ZNF566: variants seen among roughly 807,000 people sequenced by gnomAD.
ZNF566 encodes the protein zinc finger protein 566.
Under a neutral mutation model 32.8 loss-of-function variants are expected in ZNF566, and 27 were observed. That is an observed-to-expected ratio of 0.82 (90% CI 0.61 to 1.14). The LOEUF (loss-of-function observed/expected upper bound fraction) is 1.14. Among genes scored for constraint, ZNF566 ranks in the 50% most tolerant of loss-of-function variants. The pLI is 0.00. For synonymous variants in ZNF566, 154 were observed against 159.5 expected (o/e 0.97, Z 0.26); for missense variants, 402 against 490.4 (o/e 0.82, Z 1.70).
chr19:36,468,323 C>T (rs943791237), intron 4 of ZNF566, among the ~76,000 whole-genome samples: 2 of 151,472 alleles, frequency 1.3e-5, no homozygotes, highest in Non-Finnish European at 2.9e-5. Flanking sequence ...TTAGGTAGCT[C>T]GGCTGGGTGA....
intron 1 of ZNF566, among the ~76,000 whole-genome samples, chr19:36,479,394 T>C (rs1454451871): frequency 1.3e-5 from 2 of 152,192 alleles, no homozygotes; most frequent in Admixed American, 6.5e-5. Context: ...CATGGTCTCA[T>C]ATAGAGACAA....
At chr19:36,488,937 A>G (rs2034240174) in intron 1 of ZNF566, among the ~76,000 whole-genome samples, 2 of 152,032 alleles carry the variant, frequency 1.3e-5, no homozygotes, top group African/African-American at 4.8e-5. Context: ...TCCACGCCCA[A>G]AGCAACAGGG....
intron 4 of ZNF566, among the ~76,000 whole-genome samples, chr19:36,453,062 G>A (rs1413149035): frequency 6.6e-6 from 1 of 150,804 alleles, no homozygotes; most frequent in East Asian, 1.9e-4. Flanking sequence ...AGGTTGCAGT[G>A]AGCTGAAATC....
intron 4 of ZNF566, among the ~76,000 whole-genome samples, chr19:36,469,030 T>G (rs889136098): frequency 2.0e-5 from 3 of 151,764 alleles, no homozygotes; most frequent in African/African-American, 7.3e-5. Context: ...GTATGAAATA[T>G]AGAAATGAAC....
chr19:36,463,129 C>A (rs901915627), intron 4 of ZNF566, among the ~76,000 whole-genome samples: 1 of 151,372 alleles, frequency 6.6e-6, no homozygotes, highest in Non-Finnish European at 1.5e-5. Flanking sequence ...CACAGGGAGA[C>A]CTGGTTTCTA....
chr19:36,464,010 G>A (rs2145666168), intron 4 of ZNF566, among the ~76,000 whole-genome samples: 1 of 152,136 alleles, frequency 6.6e-6, no homozygotes, highest in Middle Eastern at 3.4e-3. Flanking sequence ...ACAGGTATGA[G>A]CCACCACACC....
chr19:36,457,853 T>G (rs1260720639), intron 4 of ZNF566, among the ~76,000 whole-genome samples: 1 of 152,130 alleles, frequency 6.6e-6, no homozygotes. Flanking sequence ...ATTGCACCAC[T>G]GCACTCCAGC....
rs908142008 is a variant in ZNF566 at position 36,448,262 on chromosome 19, G to A, written c.*715C>T. 2 of 152,118 alleles carry A rather than the reference G, an allele frequency of 1.3e-5. No individual in the cohort carries two copies. The highest frequency in any genetic ancestry group is 4.8e-5 in the African/African-American group (2 of 41,432). The allele number at this position is 152,118 out of a possible 1,614,324, so 9.4% of individuals were successfully genotyped here. A position where few individuals can be genotyped will look rare whatever the true frequency, so the allele number is the denominator to read the frequency against. ...GATATGATACAAAGATGTGCTTAGGGAGAATGTCCAGCAGGGACTTGTATT... is the reference window on the plus strand; with the variant it reads ...GATATGATACAAAGATGTGCTTAGGAAGAATGTCCAGCAGGGACTTGTATT... On this transcript the variant is annotated 3_prime_UTR_variant, in exon 5 of 5. Coordinates refer to ENST00000452939, the MANE Select transcript of ZNF566 (RefSeq NM_001145344.1).
At position 36,449,277 on chromosome 19, in the gene ZNF566, G is replaced by A. The variant is rs781616335; in HGVS notation, c.957C>T (p.Ala319=). The part of the protein sequence containing the change: ...KPYECKECGN[A]FSQSSQLIKH... The stretch of plus-strand genomic sequence containing the variant: ...TAATAAGTTGTGAGCTCTGACTAAA[G>A]GCATTGCCACATTCCTTACATTCAT... Residue 319 remains alanine, a synonymous_variant, in exon 5 of 5, where the codon GCC becomes GCT. Transcript: ENST00000452939. 6.2e-7 allele frequency: 1 copy of A among 1,613,948 alleles called. No homozygotes were observed. Among genetic ancestry groups the A allele is most frequent in the Non-Finnish European group, 8.5e-7 (1 of 1,179,990 alleles).
rs756594054 is a variant in ZNF566 at position 36,476,624 on chromosome 19, AG to A, written c.-59-9del. 4.9e-5 allele frequency: 78 copies of A among 1,605,616 alleles called. No individual in the cohort carries two copies. Among genetic ancestry groups the A allele is most frequent in the Non-Finnish European group, 6.5e-5 (76 of 1,176,998 alleles). ...TTTTGGAGAAGGGTAGAGCTGGGAG[AG>A]GCAAAAGAAGATAGATAAGACCCCA... is the stretch of plus-strand genomic sequence containing the variant. On this transcript the variant is annotated splice_polypyrimidine_tract_variant and intron_variant, in intron 1 of 4. Coordinates refer to ENST00000452939, the MANE Select transcript of ZNF566 (RefSeq NM_001145344.1).
chr19:36,484,713 C>A (rs2145711180), intron 1 of ZNF566, among the ~76,000 whole-genome samples: 1 of 151,572 alleles, frequency 6.6e-6, no homozygotes, highest in Admixed American at 6.6e-5. Context: ...CCAGAGCCTC[C>A]CGAATAGCTG....
chr19:36,449,857 C>G lies in ZNF566; in HGVS notation c.377G>C (p.Arg126Pro), dbSNP rs781288355. The G allele has an allele frequency of 1.2e-6, 2 of 1,614,072 alleles. No homozygotes were observed. Among genetic ancestry groups the G allele is most frequent in the Admixed American group, 1.7e-5 (1 of 60,004 alleles). ...SSFRDDWECN[R>P]QFKKELGSQG... Reference sequence around the variant, plus strand: ...AGAGCCGAGTTCTTTCTTAAACTGCCGATTACATTCCCAATCATCTCTGAA... The same window carrying G: ...AGAGCCGAGTTCTTTCTTAAACTGCGGATTACATTCCCAATCATCTCTGAA... The change falls in exon 5 of 5, where the codon CGG becomes CCG. Residue 126 changes from arginine to proline, a missense_variant. Coordinates refer to ENST00000452939, the MANE Select transcript of ZNF566 (RefSeq NM_001145344.1).
intron 4 of ZNF566, among the ~76,000 whole-genome samples, chr19:36,464,529 T>C: frequency 6.6e-6 from 1 of 152,152 alleles, no homozygotes; most frequent in South Asian, 2.1e-4. Context: ...TAAAGTTGCA[T>C]TAATAGGTCT....
At chr19:36,476,321 A>T in intron 2 of ZNF566, 1 of 377,032 alleles carries the variant, frequency 2.7e-6, no homozygotes, top group Non-Finnish European at 4.8e-6. Flanking sequence ...AAAAAAAAAA[A>T]GGGTAAATTT....
At position 36,456,094 on chromosome 19, in the gene ZNF566, G is replaced by T. The variant is rs544001375; in HGVS notation, c.233-6093C>A. 6.3e-4 allele frequency among the ~76,000 whole-genome samples: 95 copies of T among 151,816 alleles called. 4 individuals are homozygous for T. In the South Asian group the frequency reaches 0.02, roughly 31 times the overall value. ...GTGTATTCAGTAAGATACAAAAATC[G>T]GTTGTTTCTATACACTAGCAACAGA... On this transcript the variant is annotated intron_variant, in intron 4 of 4. Coordinates refer to ENST00000452939, the MANE Select transcript of ZNF566 (RefSeq NM_001145344.1).
At chr19:36,474,300 C>T (rs2033832924) in intron 2 of ZNF566, among the ~76,000 whole-genome samples, 2 of 152,078 alleles carry the variant, frequency 1.3e-5, no homozygotes, top group Admixed American at 6.6e-5. Flanking sequence ...AGAGGGAAAA[C>T]GTATTGATTG....
intron 4 of ZNF566, among the ~76,000 whole-genome samples, chr19:36,455,592 A>C (rs1244975624): frequency 6.6e-6 from 1 of 152,012 alleles, no homozygotes; most frequent in Non-Finnish European, 1.5e-5. Flanking sequence ...AAATACAAAA[A>C]TTAGCCGGGC....
Position 36,449,446 on chromosome 19 carries a change from G to C in ZNF566, c.788C>G (p.Ala263Gly), listed in dbSNP as rs2033084719. ...AGTGAAGTTTGAACCACTACTAAAG[G>C]CTTTCCCACATTCCTTACATTCATA... The part of the protein sequence containing the change: ...KPYECKECGK[A>G]FSSGSNFTRH... The change falls in exon 5 of 5, where the codon GCC (alanine) becomes GGC (glycine). Residue 263 changes from alanine to glycine, a missense_variant. Physicochemically the swap from Ala to Gly is moderately conservative, Grantham distance 60. This residue lies in a region of ZNF566 where 135 missense variants were observed against 210.0 expected (regional missense o/e 0.64). Transcript: ENST00000452939. 6.2e-7 allele frequency: 1 copy of C among 1,613,996 alleles called. No individual in the cohort carries two copies. Among genetic ancestry groups the C allele is most frequent in the Non-Finnish European group, 8.5e-7 (1 of 1,179,988 alleles).
In ZNF566 at chr19:36,458,588, T is replaced by C. The variant is rs374718070; in HGVS notation, c.233-8587A>G. On this transcript the variant is annotated intron_variant, in intron 4 of 4. Transcript: ENST00000452939. ...TGGAGATCTAATATACAGCATTATATATTAATAGTATGTACTGCCATGTAA... is the reference window on the plus strand; with the variant it reads ...TGGAGATCTAATATACAGCATTATACATTAATAGTATGTACTGCCATGTAA... Among the ~76,000 whole-genome samples the C allele has an allele frequency of 3.3e-5, 5 of 152,198 alleles. No homozygotes were observed. The East Asian group carries it at 7.7e-4, about 23-fold the overall frequency.
Sources: allele counts gnomAD v4.1 joint callset (sites outside exome capture counted in the v4.1 genomes callset), GRCh38; gene constraint gnomAD v4.1.1; regional missense constraint gnomAD v4.1.1; transcripts MANE v1.5; gene names NCBI Gene and HGNC (gene_info 2026-07-23, HGNC 2026-07-21).